Variants in PTK2B observed in about 807,000 individuals in gnomAD.
The protein encoded by PTK2B is protein tyrosine kinase 2 beta.
Under a neutral mutation model 142.9 loss-of-function variants are expected in PTK2B, and 71 were observed. The observed-to-expected ratio is 0.50, with a 90% CI of 0.41 to 0.61. The LOEUF (loss-of-function observed/expected upper bound fraction) is 0.61, where lower values mean the gene tolerates loss of function less well. PTK2B is among the 20% of genes least tolerant of loss of function. PTK2B has a pLI of 0.00. For missense variants in PTK2B, 1,105 were observed against 1,320.4 expected (o/e 0.84, Z 2.53); for synonymous variants, 519 against 503.4 (o/e 1.03, Z -0.42).
intron 1 of PTK2B, among the ~76,000 whole-genome samples, chr8:27,369,053 T>C (rs925802474): frequency 6.6e-6 from 1 of 152,240 alleles, no homozygotes; most frequent in Admixed American, 6.5e-5. Flanking sequence ...ATCTCTATTT[T>C]GGAGCTGCAG....
rs1812337727 is a variant in PTK2B, at chr8:27,459,117, G to A, written c.*608G>A. On this transcript the variant is annotated 3_prime_UTR_variant, in exon 31 of 31. Coordinates refer to ENST00000346049, the MANE Select transcript of PTK2B (RefSeq NM_173176.3). The stretch of plus-strand genomic sequence containing the variant: ...CAAGCTAATTGGGAGTCCAGGCACA[G>A]GATGCTGTGTTGTCAACAAACCAAG... 1 of 240,310 alleles carries A rather than the reference G, an allele frequency of 4.2e-6. No homozygotes were observed. 14.9% of individuals were successfully genotyped at this position (240,310 alleles called of 1,614,324 possible).
At chr8:27,319,129 G>A (rs2130583019) in intron 3 of PTK2B, among the ~76,000 whole-genome samples, 1 of 151,858 alleles carries the variant, frequency 6.6e-6, no homozygotes, top group Middle Eastern at 3.4e-3. Flanking sequence ...ATCTTATTTT[G>A]TTCATTTTTT....
upstream of PTK2B, among the ~76,000 whole-genome samples, chr8:27,324,910 G>A (rs570841955): frequency 7.9e-5 from 12 of 152,324 alleles, no homozygotes; most frequent in African/African-American, 2.9e-4. Context: ...AGGAAAGAGG[G>A]GACCAGCCTC....
intron 27 of PTK2B, chr8:27,452,816 G>T (rs555218406): frequency 5.8e-6 from 3 of 512,838 alleles, no homozygotes; most frequent in Non-Finnish European, 1.0e-5. Context: ...TGTTCCTTAG[G>T]CCTGGTGTCC....
At chr8:27,454,047 C>G in intron 28 of PTK2B, 107 bp from the exon 29 acceptor site, 2 of 1,454,300 alleles carry the variant, frequency 1.4e-6, no homozygotes, top group Non-Finnish European at 1.9e-6. Context: ...GAGTCCTTTC[C>G]AATCGGGCTG....
intron 16 of PTK2B, 24 bp from the exon 17 acceptor site, chr8:27,437,372 C>T (rs767246794): frequency 6.9e-6 from 11 of 1,598,102 alleles, no homozygotes; most frequent in Non-Finnish European, 9.4e-6. Context: ...CTCCACCTGT[C>T]CCTCTTGCCC....
At chr8:27,401,947 A>C (rs1808411944) in intron 2 of PTK2B, among the ~76,000 whole-genome samples, 1 of 152,084 alleles carries the variant, frequency 6.6e-6, no homozygotes, top group African/African-American at 2.4e-5. Flanking sequence ...TGATGGCAGT[A>C]GTGGTGATTG....
At chr8:27,328,503 T>C (rs541791464) in intron 1 of PTK2B, among the ~76,000 whole-genome samples, 2 of 152,290 alleles carry the variant, frequency 1.3e-5, no homozygotes, top group East Asian at 3.9e-4. Flanking sequence ...TTAAAAATGG[T>C]CCTTCTTTCC....
At chr8:27,400,927 C>T (rs2131471087) in intron 2 of PTK2B, among the ~76,000 whole-genome samples, 1 of 152,266 alleles carries the variant, frequency 6.6e-6, no homozygotes, top group South Asian at 2.1e-4. Context: ...ACAGATCCAG[C>T]ACGAGGTCAG....
rs1281085991 is a variant in PTK2B, at chr8:27,439,362, C to G, written c.1798C>G (p.Arg600Gly). ...GATGTCCCCAGAGTCCATTAACTTC[C>G]GACGCTTCACGACAGCCAGTGACGT... is the stretch of plus-strand genomic sequence containing the variant. Reference protein sequence around the residue: ...KWMSPESINFRRFTTASDVWM... With the variant: ...KWMSPESINFGRFTTASDVWM... The change falls in exon 20 of 31, where the codon CGA (arginine) becomes GGA (glycine). Residue 600 changes from arginine (R) to glycine (G), a missense_variant. Coordinates refer to ENST00000346049, the MANE Select transcript of PTK2B (RefSeq NM_173176.3). 3.7e-6 allele frequency: 6 copies of G among 1,614,050 alleles called. No homozygotes were observed. The highest frequency in any genetic ancestry group is 5.1e-6 in the Non-Finnish European group (6 of 1,179,954).
chr8:27,356,929 G>A (rs2130673444), intron 1 of PTK2B, among the ~76,000 whole-genome samples: 1 of 152,278 alleles, frequency 6.6e-6, no homozygotes, highest in Non-Finnish European at 1.5e-5. Context: ...GTCTAAAAGG[G>A]GTAACCCAAA....
At chr8:27,436,427 G>A (rs937073284) in intron 15 of PTK2B, 79 bp downstream of exon 15, 3 of 1,396,020 alleles carry the variant, frequency 2.1e-6, no homozygotes, top group Non-Finnish European at 3.0e-6. Context: ...GAGCAGGTTG[G>A]AGTTGGCACA....
chr8:27,391,865 AT>A (rs1272056119), intron 1 of PTK2B, among the ~76,000 whole-genome samples: 1 of 152,172 alleles, frequency 6.6e-6, no homozygotes, highest in Non-Finnish European at 1.5e-5. Context: ...TTTGACTTTG[AT>A]TGTGGCAGAT....
chr8:27,405,670 C>T (rs1808667847), intron 2 of PTK2B, among the ~76,000 whole-genome samples: 1 of 152,356 alleles, frequency 6.6e-6, no homozygotes, highest in South Asian at 2.1e-4. Context: ...ACAAGGTAGA[C>T]ACGCAGGTTC....
chr8:27,430,881 A>G lies in PTK2B; in HGVS notation c.675A>G (p.Lys225=). ...CGGCCCATCCCCTCCCCCAGCCCAA[A>G]CAGTTCCGGAAGATGATCCAGCAGA... is the stretch of plus-strand genomic sequence containing the variant. The part of the protein sequence containing the change: ...PKQMQENLKP[K]QFRKMIQQTF... Residue 225 remains lysine (K), a synonymous_variant, in exon 8 of 31, where the codon AAA becomes AAG. Transcript: ENST00000346049. The G allele has an allele frequency of 6.2e-7, 1 of 1,613,824 alleles. No homozygotes were observed. Among genetic ancestry groups the G allele is most frequent in the Non-Finnish European group, 8.5e-7 (1 of 1,179,862 alleles).
intron 5 of PTK2B, 86 bp from the exon 6 acceptor site, chr8:27,430,007 G>T: frequency 8.2e-7 from 1 of 1,220,200 alleles, no homozygotes; most frequent in South Asian, 1.2e-5. Context: ...GCAGGGGAAG[G>T]GGGCTTCTGG....
chr8:27,438,028 C>T (rs951898030), intron 18 of PTK2B, 148 bp downstream of exon 18: 2 of 663,504 alleles, frequency 3.0e-6, no homozygotes, highest in African/African-American at 3.6e-5. Flanking sequence ...CTTGAGCAAC[C>T]TCTCTGACCC....
At chr8:27,329,364 C>T (rs1177645658) in intron 1 of PTK2B, among the ~76,000 whole-genome samples, 1 of 152,164 alleles carries the variant, frequency 6.6e-6, no homozygotes, top group Non-Finnish European at 1.5e-5. Context: ...GTCCAAGTCC[C>T]TTGGCACTTA....
intron 1 of PTK2B, among the ~76,000 whole-genome samples, chr8:27,337,895 G>T (rs1431107103): frequency 6.6e-6 from 1 of 152,174 alleles, no homozygotes; most frequent in Non-Finnish European, 1.5e-5. Flanking sequence ...GAGTGGAGTT[G>T]CCGGGTCCTG....
Sources: allele counts gnomAD v4.1 joint callset (sites outside exome capture counted in the v4.1 genomes callset), GRCh38; gene constraint gnomAD v4.1.1; transcripts MANE v1.5; gene names NCBI Gene and HGNC (gene_info 2026-07-23, HGNC 2026-07-21).